Variants in TAOK1 observed in about 807,000 individuals in gnomAD.
TAOK1 encodes the protein TAO kinase 1, also known as serine/threonine-protein kinase TAO1.
TAOK1 carries 21 observed loss-of-function variants against 138.3 expected under a neutral mutation model. That is an observed-to-expected ratio of 0.15 (90% CI 0.11 to 0.22). The LOEUF is 0.22. Ranked by LOEUF, TAOK1 falls within the 10% of genes least tolerant of loss-of-function variation. The pLI is 1.00. For missense variants in TAOK1, 651 were observed against 1,227.7 expected, an observed-to-expected ratio of 0.53 and a Z score of 7.02; for synonymous variants, 361 against 398.4, an observed-to-expected ratio of 0.91 and a Z score of 1.12.
chr17:29,431,875 C>T (rs1905844396), intron 1 of TAOK1, among the ~76,000 whole-genome samples: 1 of 145,614 alleles, frequency 6.9e-6, no homozygotes, highest in Admixed American at 7.1e-5. Context: ...GGTGCGATCT[C>T]GGCTCACTGC....
chr17:29,432,626 G>T (rs987572318), intron 1 of TAOK1, among the ~76,000 whole-genome samples: 1 of 152,014 alleles, frequency 6.6e-6, no homozygotes, highest in African/African-American at 2.4e-5. Context: ...CACTGTGCCC[G>T]GCCTGCCTGG....
intron 17 of TAOK1, among the ~76,000 whole-genome samples, chr17:29,523,446 G>A (rs1326149780): frequency 2.0e-5 from 3 of 152,194 alleles, no homozygotes; most frequent in East Asian, 1.9e-4. Context: ...GGAGTGCAGC[G>A]GCATGATCTT....
At chr17:29,499,629 G>A (rs1203312329) in intron 12 of TAOK1, among the ~76,000 whole-genome samples, 1 of 146,486 alleles carries the variant, frequency 6.8e-6, no homozygotes, top group African/African-American at 2.6e-5. Context: ...GCGCAATCTC[G>A]GCTCACTGCA....
chr17:29,419,818 G>A (rs569352320), intron 1 of TAOK1, among the ~76,000 whole-genome samples: 3 of 152,046 alleles, frequency 2.0e-5, no homozygotes, highest in African/African-American at 7.2e-5. Flanking sequence ...TATTGAAAAT[G>A]TTATCTCCCC....
At position 29,498,398 on chromosome 17, in the gene TAOK1, T is replaced by C. The variant is rs1207891158; in HGVS notation, c.1080T>C (p.Ser360=). ...SNQSIPSMSI[S]ASSQSSSVNS... ...AATCCATTCCCAGCATGTCCATCAGTGCCAGCAGCCAAAGCAGTAGTGTTA... is the reference window on the plus strand; with the variant it reads ...AATCCATTCCCAGCATGTCCATCAGCGCCAGCAGCCAAAGCAGTAGTGTTA... The change falls in exon 12 of 20, where the codon AGT becomes AGC. Residue 360 remains serine, a synonymous_variant. Transcript: ENST00000261716. The C allele has an allele frequency of 6.2e-7, 1 of 1,614,212 alleles. No homozygotes were observed. The highest frequency in any genetic ancestry group is 8.5e-7 in the Non-Finnish European group (1 of 1,180,022).
At chr17:29,504,437 A>AG (rs1265819500) in intron 13 of TAOK1, among the ~76,000 whole-genome samples, 7 of 152,046 alleles carry the variant, frequency 4.6e-5, no homozygotes, top group Non-Finnish European at 5.9e-5. Flanking sequence ...TGGGAGGCTG[A>AG]GGCGGGTGGA....
intron 1 of TAOK1, among the ~76,000 whole-genome samples, chr17:29,407,395 C>T (rs1358311405): frequency 6.6e-6 from 1 of 152,154 alleles, no homozygotes; most frequent in Non-Finnish European, 1.5e-5. Context: ...TTCCTGCTGC[C>T]TCCCTAACTC....
At chr17:29,534,354 C>T (rs1021174247) in intron 19 of TAOK1, 54 bp downstream of exon 19, 22 of 1,392,158 alleles carry the variant, frequency 1.6e-5, no homozygotes, top group South Asian at 5.5e-5. Flanking sequence ...TTGTCAGAAG[C>T]GTTTTATAAA....
chr17:29,487,122 G>A (rs1175911785), intron 8 of TAOK1, among the ~76,000 whole-genome samples: 1 of 151,908 alleles, frequency 6.6e-6, no homozygotes, highest in Non-Finnish European at 1.5e-5. Context: ...GGTGGCCCAT[G>A]CCTGTAGTCC....
At chr17:29,478,188 T>G in intron 5 of TAOK1, 63 bp from the exon 6 acceptor site, 1 of 1,225,712 alleles carries the variant, frequency 8.2e-7, no homozygotes, top group South Asian at 1.5e-5. Context: ...GCCCCATGTA[T>G]TAGATATGTA....
At chr17:29,480,230 C>G (rs1373625929) in intron 6 of TAOK1, 138 bp from the exon 7 acceptor site, 1 of 471,420 alleles carries the variant, frequency 2.1e-6, no homozygotes, top group Non-Finnish European at 3.6e-6. Flanking sequence ...TCTCCTTATC[C>G]CAATTGTGAG....
At chr17:29,485,650 T>C (rs1178588434) in intron 8 of TAOK1, among the ~76,000 whole-genome samples, 1 of 151,930 alleles carries the variant, frequency 6.6e-6, no homozygotes, top group African/African-American at 2.4e-5. Flanking sequence ...ACAAACAAAT[T>C]AATTAAATTA....
intron 15 of TAOK1, among the ~76,000 whole-genome samples, chr17:29,515,460 C>T (rs1400132169): frequency 6.6e-6 from 1 of 152,130 alleles, no homozygotes; most frequent in African/African-American, 2.4e-5. Context: ...CCATCAGAAA[C>T]GTAGCTGTGC....
chr17:29,508,609 T>A (rs1485941308), intron 14 of TAOK1, among the ~76,000 whole-genome samples: 2 of 152,168 alleles, frequency 1.3e-5, no homozygotes, highest in Non-Finnish European at 2.9e-5. Context: ...TATCATTAGG[T>A]GATTTAGGTC....
intron 15 of TAOK1, among the ~76,000 whole-genome samples, chr17:29,516,306 C>G (rs1415468439): frequency 6.6e-6 from 1 of 151,700 alleles, no homozygotes; most frequent in Non-Finnish European, 1.5e-5. Flanking sequence ...ATAATATTCA[C>G]GTAGGTAATT....
At chr17:29,498,611 G>C in intron 12 of TAOK1, 90 bp downstream of exon 12, 1 of 1,483,574 alleles carries the variant, frequency 6.7e-7, no homozygotes, top group Non-Finnish European at 9.2e-7. Flanking sequence ...AGGAAGATAA[G>C]GAAGTTTCCC....
intron 1 of TAOK1, among the ~76,000 whole-genome samples, chr17:29,442,014 CT>C (rs1598482672): frequency 1.3e-5 from 2 of 151,726 alleles, no homozygotes; most frequent in East Asian, 3.9e-4. Flanking sequence ...CAAGAACCAA[CT>C]TCTTGAAAGT....
chr17:29,416,291 A>AT (rs1905262475), intron 1 of TAOK1, among the ~76,000 whole-genome samples: 2 of 151,964 alleles, frequency 1.3e-5, no homozygotes, highest in African/African-American at 4.8e-5. Flanking sequence ...ATGTATAGGG[A>AT]TTTTATTGCA....
chr17:29,424,048 C>CAAAAAAA (rs34530466), intron 1 of TAOK1, among the ~76,000 whole-genome samples: 1 of 112,870 alleles, frequency 8.9e-6, no homozygotes, highest in Non-Finnish European at 1.9e-5. Flanking sequence ...GACCCTGTCT[C>CAAAAAAA]AAAAAAAAAA....
Sources: gnomAD v4.1 joint callset for allele counts (sites outside exome capture counted in the v4.1 genomes callset) on GRCh38, gnomAD v4.1.1 for gene constraint, MANE v1.5 for transcripts, NCBI Gene and HGNC (gene_info 2026-07-23, HGNC 2026-07-21) for gene names.